AP4S1: variants seen among roughly 807,000 people sequenced by gnomAD.
AP4S1 encodes the protein adaptor related protein complex 4 subunit sigma 1, also known as AP-4 complex subunit sigma-1.
In AP4S1, 23 loss-of-function variants were observed where a neutral mutation model predicts 19.8. The observed-to-expected ratio is 1.16, with a 90% CI of 0.84 to 1.65. The LOEUF (loss-of-function observed/expected upper bound fraction) is 1.65. Ranked by LOEUF, AP4S1 falls within the 40% of genes most tolerant of loss-of-function variation. The pLI is 0.00. For synonymous variants in AP4S1, 46 were observed against 54.1 expected (o/e 0.85, Z 0.66); for missense variants, 166 against 172.8 (o/e 0.96, Z 0.22).
At chr14:31,036,860 CT>C (rs1380969241) in intron 1 of AP4S1, among the ~76,000 whole-genome samples, 2 of 152,054 alleles carry the variant, frequency 1.3e-5, no homozygotes, top group Non-Finnish European at 2.9e-5. Flanking sequence ...TGTCGCCAGG[CT>C]GGAGTGCAGT....
intron 1 of AP4S1, among the ~76,000 whole-genome samples, chr14:31,063,632 C>T (rs984201699): frequency 2.6e-5 from 4 of 151,990 alleles, no homozygotes; most frequent in African/African-American, 7.2e-5. Flanking sequence ...TCATGAAAAA[C>T]GAGGAAGACT....
Position 31,025,804 on chromosome 14 carries a change from C to T in AP4S1, c.-72+17C>T, listed in dbSNP as rs562514977. 9.7e-5 allele frequency: 145 copies of T among 1,500,470 alleles called. No individual in the cohort carries two copies. The East Asian group carries it at 1.1e-3, about 12-fold the overall frequency. The allele number at this position is 1,500,470 out of a possible 1,614,324, so 92.9% of individuals were successfully genotyped here. A position where few individuals can be genotyped will look rare whatever the true frequency, so the allele number is the denominator to read the frequency against. On this transcript the variant is annotated intron_variant, in intron 1 of 5. Transcript: ENST00000542754. ...GCAGCACAGGTAGGTTCCGCTCGGCCTCCCAAGGCGCCGGCTCCGGCTGAG... is the reference window on the plus strand; with the variant it reads ...GCAGCACAGGTAGGTTCCGCTCGGCTTCCCAAGGCGCCGGCTCCGGCTGAG...
intron 3 of AP4S1, among the ~76,000 whole-genome samples, chr14:31,071,191 C>T (rs1269225240): frequency 6.6e-6 from 1 of 152,120 alleles, no homozygotes; most frequent in Non-Finnish European, 1.5e-5. Flanking sequence ...GCCATGGAAT[C>T]CCTGAAAGGA....
chr14:31,086,817 C>T (rs1303334514), intron 5 of AP4S1, among the ~76,000 whole-genome samples: 2 of 151,982 alleles, frequency 1.3e-5, no homozygotes, highest in Admixed American at 6.6e-5. Context: ...CTAGGAGAAA[C>T]CTACACAATC....
In AP4S1 at chr14:31,092,944, A is replaced by T; in HGVS notation, c.344A>T (p.Asp115Val). 6.5e-7 allele frequency: 1 copy of T among 1,545,778 alleles called. No homozygotes were observed. Among genetic ancestry groups the T allele is most frequent in the Non-Finnish European group, 8.7e-7 (1 of 1,143,404 alleles). ...TTGGATAAAGTACACATCATTTTGG[A>T]TGAGATGGTGTTAAATGGCTGCATT... ...FNLDKVHIILDEMVLNGCIVE... is the reference protein window; with the variant it reads ...FNLDKVHIILVEMVLNGCIVE... Residue 115 changes from aspartate (D) to valine (V), a missense_variant, in exon 6 of 6, where the codon GAT (aspartate) becomes GTT (valine). Coordinates refer to ENST00000542754, the MANE Select transcript of AP4S1 (RefSeq NM_001128126.3).
At chr14:31,037,246 A>C (rs2139434147) in intron 1 of AP4S1, among the ~76,000 whole-genome samples, 1 of 149,748 alleles carries the variant, frequency 6.7e-6, no homozygotes, top group Admixed American at 6.7e-5. Context: ...TCTTGTTGCT[A>C]CCTTAGTTTG....
chr14:31,051,277 T>C (rs1170923207), intron 1 of AP4S1, among the ~76,000 whole-genome samples: 1 of 144,802 alleles, frequency 6.9e-6, no homozygotes, highest in Non-Finnish European at 1.5e-5. Context: ...AAAAATACGG[T>C]GTAGATATGC....
chr14:31,080,439 G>A, intron 4 of AP4S1, 134 bp from the exon 5 acceptor site: 2 of 734,056 alleles, frequency 2.7e-6, no homozygotes, highest in African/African-American at 1.7e-5. Flanking sequence ...TCAGACTGCT[G>A]TGGCCACCAA....
intron 3 of AP4S1, among the ~76,000 whole-genome samples, chr14:31,072,402 GCT>G (rs1290739609): frequency 3.3e-5 from 5 of 151,690 alleles, no homozygotes; most frequent in Non-Finnish European, 5.9e-5. Flanking sequence ...ATAGGACCTC[GCT>G]CTGTTTCCCA....
At chr14:31,071,174 A>T (rs1886978444) in intron 3 of AP4S1, among the ~76,000 whole-genome samples, 1 of 152,156 alleles carries the variant, frequency 6.6e-6, no homozygotes, top group South Asian at 2.1e-4. Flanking sequence ...AATCAATAGC[A>T]CTTATGGCCA....
chr14:31,037,585 G>A (rs2139435360), intron 1 of AP4S1, among the ~76,000 whole-genome samples: 1 of 152,298 alleles, frequency 6.6e-6, no homozygotes, highest in South Asian at 2.1e-4. Context: ...GTGAGATACA[G>A]AAGTGTAAAT....
chr14:31,032,523 A>ATTT (rs775316642), intron 1 of AP4S1, among the ~76,000 whole-genome samples: 21,730 of 138,818 alleles, frequency 0.16, 1,977 homozygotes, highest in South Asian at 0.23. Context: ...CAGAATGTAC[A>ATTT]TTTTTTTTTT....
At chr14:31,083,493 A>ACC (rs1887761325) in intron 5 of AP4S1, 2 of 274,636 alleles carry the variant, frequency 7.3e-6, no homozygotes, top group Admixed American at 4.5e-5. Context: ...TTCTGTTGAC[A>ACC]CTCTTTTTTT....
intron 3 of AP4S1, among the ~76,000 whole-genome samples, chr14:31,072,611 T>A (rs1887074230): frequency 6.6e-6 from 1 of 152,126 alleles, no homozygotes; most frequent in African/African-American, 2.4e-5. Flanking sequence ...CCCCAAGCCA[T>A]CCTCTCACCT....
chr14:31,051,725 AT>A (rs1480211676), intron 1 of AP4S1, among the ~76,000 whole-genome samples: 3 of 152,138 alleles, frequency 2.0e-5, no homozygotes, highest in Non-Finnish European at 4.4e-5. Flanking sequence ...CAGTGGTGTG[AT>A]CTCAGCACAC....
At position 31,086,757 on chromosome 14, in the gene AP4S1, A is replaced by G. The variant is rs1160071137; in HGVS notation, c.307-6150A>G. ...TATCAGAAAAGAGTAAACCAGCTCC[A>G]CTTTCCTTGAAGGTTATATTTAGAG... On this transcript the variant is annotated intron_variant, in intron 5 of 5. Coordinates refer to ENST00000542754, the MANE Select transcript of AP4S1 (RefSeq NM_001128126.3). Among the ~76,000 whole-genome samples, 20 of 152,258 alleles carry G rather than the reference A, an allele frequency of 1.3e-4. No homozygotes were observed. The East Asian group carries it at 3.9e-3, about 29-fold the overall frequency.
At chr14:31,088,467 CTGT>C (rs1324732267) in intron 5 of AP4S1, among the ~76,000 whole-genome samples, 1 of 152,086 alleles carries the variant, frequency 6.6e-6, no homozygotes, top group African/African-American at 2.4e-5. Flanking sequence ...GCTGGGTATC[CTGT>C]TGTTCTCAGA....
chr14:31,066,886 G>A (rs1015005924), intron 2 of AP4S1, among the ~76,000 whole-genome samples: 33 of 152,096 alleles, frequency 2.2e-4, no homozygotes, highest in Admixed American at 1.5e-3. Context: ...TTATCTAGGT[G>A]GGGAAAACGG....
chr14:31,068,634 T>C (rs1437034715), intron 2 of AP4S1, among the ~76,000 whole-genome samples: 2 of 152,262 alleles, frequency 1.3e-5, no homozygotes, highest in Non-Finnish European at 2.9e-5. Context: ...TCAAACATCA[T>C]TTTCACTGAT....
Sources: gnomAD v4.1 joint callset for allele counts (sites outside exome capture counted in the v4.1 genomes callset) on GRCh38, gnomAD v4.1.1 for gene constraint, MANE v1.5 for transcripts, NCBI Gene and HGNC (gene_info 2026-07-23, HGNC 2026-07-21) for gene names.